The following SMIM10L3 variants were observed in gnomAD, a reference collection of about 807,000 sequenced individuals.
SMIM10L3 encodes salivary gland specific protein SAGSIN1.
the SMIM10L3 span, among the ~76,000 whole-genome samples, chr7:6,334,804 C>CCT: frequency 4.0e-5 from 6 of 151,242 alleles, no homozygotes; most frequent in African/African-American, 1.2e-4. Flanking sequence ...GAGTTTCACT[C>CCT]GTTACCCAGG....
At chr7:6,339,257 T>C in the SMIM10L3 span, among the ~76,000 whole-genome samples, 8 of 151,950 alleles carry the variant, frequency 5.3e-5, no homozygotes, top group African/African-American at 1.9e-4. Flanking sequence ...CACTTGAGCC[T>C]AGGAGCCGGA....
At chr7:6,330,952 T>C in the SMIM10L3 span, 1 of 1,614,114 alleles carries the variant, frequency 6.2e-7, no homozygotes, top group East Asian at 2.2e-5. Context: ...CCCGCTCGGA[T>C]CCTTTCTCAT....
At chr7:6,338,967 G>C in the SMIM10L3 span, among the ~76,000 whole-genome samples, 1 of 152,164 alleles carries the variant, frequency 6.6e-6, no homozygotes, top group Non-Finnish European at 1.5e-5. Flanking sequence ...CACCCCTCAG[G>C]TGTGAACGCT....
the SMIM10L3 span, chr7:6,330,318 G>T: frequency 6.6e-7 from 1 of 1,507,422 alleles, no homozygotes; most frequent in South Asian, 1.3e-5. Context: ...TAATGCGAAA[G>T]AAATCATTCT....
At chr7:6,330,704 G>A in the SMIM10L3 span, 20 of 1,613,950 alleles carry the variant, frequency 1.2e-5, no homozygotes, top group African/African-American at 1.2e-4. Context: ...CGTGACACCC[G>A]AGGCTCTCCT....
the SMIM10L3 span, chr7:6,331,060 T>C: frequency 6.2e-7 from 1 of 1,613,786 alleles, no homozygotes; most frequent in South Asian, 1.1e-5. Context: ...CGGCATTCTT[T>C]TCTTAAGGCT....
At chr7:6,343,309 G>T in the SMIM10L3 span, among the ~76,000 whole-genome samples, 2 of 149,490 alleles carry the variant, frequency 1.3e-5, no homozygotes, top group Admixed American at 6.7e-5. Context: ...CCTGGGAAGC[G>T]GAGGTTGCAG....
chr7:6,346,069 A>G, the SMIM10L3 span, among the ~76,000 whole-genome samples: 3 of 152,072 alleles, frequency 2.0e-5, no homozygotes, highest in Non-Finnish European at 2.9e-5. Context: ...ATGCCCAGCC[A>G]AAGTTTGTTT....
the SMIM10L3 span, among the ~76,000 whole-genome samples, chr7:6,344,521 C>G: frequency 6.6e-6 from 1 of 151,952 alleles, no homozygotes; most frequent in Non-Finnish European, 1.5e-5. Flanking sequence ...CTTCTGGCCT[C>G]AAGTGATCCA....
chr7:6,330,882 TCTTA>T, the SMIM10L3 span: 3 of 1,614,178 alleles, frequency 1.9e-6, no homozygotes, highest in South Asian at 1.1e-5. Context: ...CTGGATTTCT[TCTTA>T]CTGATTCTCT....
At chr7:6,330,275 G>GAACC in the SMIM10L3 span, 50 of 1,156,546 alleles carry the variant, frequency 4.3e-5, no homozygotes, top group Admixed American at 3.7e-4. Flanking sequence ...ACTACAGCAG[G>GAACC]AACCTAAGGG....
chr7:6,333,996 G>A, the SMIM10L3 span, among the ~76,000 whole-genome samples: 95 of 151,174 alleles, frequency 6.3e-4, 1 homozygote, highest in East Asian at 0.012. Context: ...ACAGGCACCC[G>A]CCACCACGCC....
chr7:6,342,529 ACT>A, the SMIM10L3 span, among the ~76,000 whole-genome samples: 2 of 151,638 alleles, frequency 1.3e-5, no homozygotes, highest in Middle Eastern at 3.4e-3. Context: ...ACAAAGCGAG[ACT>A]CTGTCTCAAA....
the SMIM10L3 span, among the ~76,000 whole-genome samples, chr7:6,340,419 AACATGGGTAAGTAC>A: frequency 3.9e-5 from 6 of 152,276 alleles, no homozygotes; most frequent in Middle Eastern, 3.4e-3. Context: ...ACACAGCCCC[AACATGGGTAAGTAC>A]ACTTCAGTAG....
chr7:6,348,846 G>A, the SMIM10L3 span: 3 of 392,374 alleles, frequency 7.6e-6, no homozygotes, highest in South Asian at 1.4e-4. Context: ...CGTGCTCAGG[G>A]AGCGAAGGAG....
chr7:6,338,246 C>T, the SMIM10L3 span, among the ~76,000 whole-genome samples: 1 of 152,106 alleles, frequency 6.6e-6, no homozygotes, highest in Non-Finnish European at 1.5e-5. Flanking sequence ...ATATTTAAGT[C>T]ATTTATGAGT....
chr7:6,348,044 G>C, the SMIM10L3 span, among the ~76,000 whole-genome samples: 2 of 151,482 alleles, frequency 1.3e-5, no homozygotes, highest in African/African-American at 4.8e-5. Context: ...CCGAGTAGCT[G>C]GGATTACAGG....
At chr7:6,334,992 C>T in the SMIM10L3 span, among the ~76,000 whole-genome samples, 1 of 151,672 alleles carries the variant, frequency 6.6e-6, no homozygotes, top group East Asian at 2.0e-4. Context: ...GTCTCAAACT[C>T]CCGACCTCAG....
At chr7:6,330,674 C>T in the SMIM10L3 span, 3 of 1,613,712 alleles carry the variant, frequency 1.9e-6, no homozygotes, top group Non-Finnish European at 2.5e-6. Context: ...ATTTCCGGCA[C>T]TTTTTGATGG....
Sources: allele counts gnomAD v4.1 joint callset (sites outside exome capture counted in the v4.1 genomes callset), GRCh38; gene constraint gnomAD v4.1.1; transcripts MANE v1.5; gene names NCBI Gene and HGNC (gene_info 2026-07-23, HGNC 2026-07-21).